Variants in RERE observed in about 807,000 individuals in gnomAD.
RERE encodes arginine-glutamic acid dipeptide repeats, also known as arginine-glutamic acid dipeptide repeats protein.
A neutral mutation model predicts 146.1 loss-of-function variants in RERE; 40 were observed. That is an observed-to-expected ratio of 0.27 (90% CI 0.21 to 0.36). The LOEUF is 0.36. Among genes scored for constraint, RERE ranks in the 10% least tolerant of loss-of-function variants. RERE has a pLI of 1.00. For missense variants in RERE, 1,933 were observed against 2,138.7 expected (o/e 0.90, Z 1.90); for synonymous variants, 1,003 against 866.0 (o/e 1.16, Z -2.78).
chr1:8,788,611 C>G (rs867008643), intron 1 of RERE, among the ~76,000 whole-genome samples: 5 of 151,760 alleles, frequency 3.3e-5, no homozygotes, highest in African/African-American at 1.2e-4. Context: ...TATCTACCTG[C>G]CTCGGCCTCC....
intron 11 of RERE, among the ~76,000 whole-genome samples, chr1:8,456,238 T>C (rs1644451999): frequency 6.6e-6 from 1 of 152,142 alleles, no homozygotes; most frequent in Non-Finnish European, 1.5e-5. Context: ...ACATCTACAG[T>C]TTTAAGTTTT....
chr1:8,657,644 C>T (rs1203827557), intron 1 of RERE, among the ~76,000 whole-genome samples: 4 of 152,224 alleles, frequency 2.6e-5, no homozygotes, highest in South Asian at 2.1e-4. Flanking sequence ...GTCAGAAGTT[C>T]GAGACCAGCC....
chr1:8,640,156 G>A (rs1570550535), intron 2 of RERE, among the ~76,000 whole-genome samples: 6 of 150,028 alleles, frequency 4.0e-5, no homozygotes, highest in African/African-American at 7.4e-5. Flanking sequence ...CCCTGTCTCA[G>A]AAAAAAAAAG....
chr1:8,535,219 T>C (rs1020101150), intron 7 of RERE, among the ~76,000 whole-genome samples: 3 of 152,184 alleles, frequency 2.0e-5, no homozygotes, highest in African/African-American at 7.2e-5. Flanking sequence ...TCTTCCAAGG[T>C]CATGAAGCCA....
At chr1:8,383,838 G>GAC (rs1642540439) in intron 12 of RERE, among the ~76,000 whole-genome samples, 1 of 149,668 alleles carries the variant, frequency 6.7e-6, no homozygotes, top group Non-Finnish European at 1.5e-5. Context: ...CAGCCTGGGT[G>GAC]ACAAAGTGAG....
At chr1:8,405,177 G>A (rs961565134) in intron 12 of RERE, among the ~76,000 whole-genome samples, 6 of 152,188 alleles carry the variant, frequency 3.9e-5, no homozygotes, top group Non-Finnish European at 7.3e-5. Context: ...GTAGCGGTAT[G>A]CCAATATAAT....
At chr1:8,574,447 C>T (rs952870213) in intron 4 of RERE, among the ~76,000 whole-genome samples, 2 of 145,694 alleles carry the variant, frequency 1.4e-5, no homozygotes, top group African/African-American at 5.1e-5. Flanking sequence ...CGGGTTCATG[C>T]CATTCTCCTG....
chr1:8,752,504 T>C (rs1238211441), intron 1 of RERE, among the ~76,000 whole-genome samples: 3 of 152,190 alleles, frequency 2.0e-5, no homozygotes, highest in Non-Finnish European at 4.4e-5. Flanking sequence ...GAAGTGGTAA[T>C]TCAGAAAAGT....
Position 8,735,942 on chromosome 1 carries a change from AAC to A in RERE, c.-144-79503_-144-79502del, listed in dbSNP as rs1569669877. 2.0e-5 allele frequency among the ~76,000 whole-genome samples: 3 copies of A among 152,202 alleles called. No individual in the cohort carries two copies. The South Asian group carries it at 6.2e-4, about 31-fold the overall frequency. ...TCTTCAGTATTTATAGCAATGCAAGAACAGACTATTATATTTACCATATTCAA... is the reference window on the plus strand; with the variant it reads ...TCTTCAGTATTTATAGCAATGCAAGAAGACTATTATATTTACCATATTCAA... On this transcript the variant is annotated intron_variant, in intron 1 of 22. Transcript: ENST00000400908.
At chr1:8,625,232 T>A (rs7554534) in intron 2 of RERE, among the ~76,000 whole-genome samples, 5,879 of 152,256 alleles carry the variant, frequency 0.039, 369 homozygotes, top group African/African-American at 0.13. Flanking sequence ...GTGTCAGGAT[T>A]ACAGGCATGA....
At chr1:8,539,140 G>T (rs1340905039) in intron 7 of RERE, among the ~76,000 whole-genome samples, 2 of 152,184 alleles carry the variant, frequency 1.3e-5, no homozygotes, top group East Asian at 3.8e-4. Context: ...ACTATCAAGT[G>T]ATTAAATAAG....
chr1:8,561,117 C>A (rs1436443738), intron 4 of RERE, among the ~76,000 whole-genome samples: 1 of 152,220 alleles, frequency 6.6e-6, no homozygotes, highest in African/African-American at 2.4e-5. Flanking sequence ...ACTGATTACA[C>A]ACACAAATAA....
chr1:8,402,770 C>T (rs983596347), intron 12 of RERE, among the ~76,000 whole-genome samples: 1 of 152,146 alleles, frequency 6.6e-6, no homozygotes, highest in Non-Finnish European at 1.5e-5. Context: ...AGTTGTGAAG[C>T]TTGCCTTCTT....
chr1:8,557,567 G>A (rs1283179126), intron 4 of RERE, 44 bp from the exon 5 acceptor site: 3 of 1,302,932 alleles, frequency 2.3e-6, no homozygotes, highest in Non-Finnish European at 3.3e-6. Flanking sequence ...GATTTCAGGT[G>A]GCCACAAGTG....
chr1:8,359,523 G>A (rs540081344), intron 19 of RERE, among the ~76,000 whole-genome samples: 49 of 152,336 alleles, frequency 3.2e-4, no homozygotes, highest in Non-Finnish European at 6.9e-4. Context: ...AGGCCCTCCG[G>A]TAGGAGGACG....
intron 12 of RERE, among the ~76,000 whole-genome samples, chr1:8,411,954 C>T (rs750548969): frequency 9.2e-5 from 14 of 152,144 alleles, no homozygotes; most frequent in African/African-American, 1.7e-4. Flanking sequence ...ACACCTCCCT[C>T]GACAACTTAA....
At chr1:8,748,999 C>T (rs1000653763) in intron 1 of RERE, among the ~76,000 whole-genome samples, 8 of 152,090 alleles carry the variant, frequency 5.3e-5, no homozygotes, top group African/African-American at 1.9e-4. Flanking sequence ...ATCAAGATCT[C>T]GGTAAGCTGT....
intron 4 of RERE, among the ~76,000 whole-genome samples, chr1:8,573,301 C>T (rs1171981346): frequency 2.0e-5 from 3 of 152,240 alleles, no homozygotes; most frequent in South Asian, 4.1e-4. Flanking sequence ...ATTCACTGAT[C>T]ATTCCCATCC....
At chr1:8,483,739 T>C (rs1644863837) in intron 10 of RERE, among the ~76,000 whole-genome samples, 1 of 152,208 alleles carries the variant, frequency 6.6e-6, no homozygotes, top group African/African-American at 2.4e-5. Flanking sequence ...TGAAAAACTA[T>C]GAAGCCACTG....
Sources: gnomAD v4.1 joint callset for allele counts (sites outside exome capture counted in the v4.1 genomes callset) on GRCh38, gnomAD v4.1.1 for gene constraint, MANE v1.5 for transcripts, NCBI Gene and HGNC (gene_info 2026-07-23, HGNC 2026-07-21) for gene names.